The following GRM3 variants were observed in gnomAD, a reference collection of about 807,000 sequenced individuals.
GRM3 encodes glutamate metabotropic receptor 3.
A neutral mutation model predicts 70.5 loss-of-function variants in GRM3; 26 were observed. The ratio of observed to expected loss-of-function variants is 0.37; its 90% confidence interval spans 0.27 to 0.51. GRM3 has a LOEUF of 0.51. GRM3 is among the 20% of genes least tolerant of loss of function. GRM3 has a pLI of 0.93. For synonymous variants in GRM3, 443 were observed against 434.9 expected (o/e 1.02, Z -0.23); for missense variants, 859 against 1,123.8 (o/e 0.76, Z 3.37).
At chr7:86,648,695 T>A (rs1793537231) in intron 1 of GRM3, among the ~76,000 whole-genome samples, 1 of 151,816 alleles carries the variant, frequency 6.6e-6, no homozygotes, top group African/African-American at 2.4e-5. Flanking sequence ...GGAGGTACCA[T>A]ATGTGAAGGT....
chr7:86,803,562 T>G (rs1341369590), intron 3 of GRM3, among the ~76,000 whole-genome samples: 1 of 152,198 alleles, frequency 6.6e-6, no homozygotes, highest in Non-Finnish European at 1.5e-5. Flanking sequence ...AGAAATAAAG[T>G]AAGAGTAATT....
At chr7:86,788,981 T>C (rs1797339430) in intron 3 of GRM3, among the ~76,000 whole-genome samples, 1 of 152,240 alleles carries the variant, frequency 6.6e-6, no homozygotes. Context: ...TGTTCCTTCA[T>C]TCCAGTGACT....
Position 86,710,923 on chromosome 7 carries a change from G to T in GRM3, c.-140-54083G>T, listed in dbSNP as rs200261704. Among the ~76,000 whole-genome samples, 4 of 152,104 alleles carry T rather than the reference G, an allele frequency of 2.6e-5. No homozygotes were observed. The East Asian group carries it at 5.8e-4, about 22-fold the overall frequency. On this transcript the variant is annotated intron_variant, in intron 1 of 5. Coordinates refer to ENST00000361669, the MANE Select transcript of GRM3 (RefSeq NM_000840.3). ...CACAGAAAGGGTGCCTGAAGTCACAGTGTTAGAAAAGTGTTAAAGCCCCTG... is the reference window on the plus strand; with the variant it reads ...CACAGAAAGGGTGCCTGAAGTCACATTGTTAGAAAAGTGTTAAAGCCCCTG...
At chr7:86,763,762 A>T (rs1002394145) in intron 1 of GRM3, among the ~76,000 whole-genome samples, 3 of 152,110 alleles carry the variant, frequency 2.0e-5, no homozygotes, top group African/African-American at 4.8e-5. Flanking sequence ...CAGCAATCAC[A>T]CTTGCCCCAT....
intron 1 of GRM3, among the ~76,000 whole-genome samples, chr7:86,743,246 A>G (rs1796027723): frequency 6.6e-6 from 1 of 152,150 alleles, no homozygotes; most frequent in Admixed American, 6.6e-5. Flanking sequence ...TAAGATTCAG[A>G]TAATACTCTC....
At chr7:86,774,717 T>C (rs1022205320) in intron 2 of GRM3, among the ~76,000 whole-genome samples, 6 of 152,138 alleles carry the variant, frequency 3.9e-5, no homozygotes, top group African/African-American at 1.4e-4. Flanking sequence ...GTAGTTTTTT[T>C]CCCAGGCACA....
intron 3 of GRM3, among the ~76,000 whole-genome samples, chr7:86,791,634 T>C (rs1339534661): frequency 6.6e-6 from 1 of 152,216 alleles, no homozygotes. Context: ...ACGAGGACTC[T>C]GGGAAATTGA....
chr7:86,820,359 G>C (rs1023077729), intron 3 of GRM3, among the ~76,000 whole-genome samples: 5 of 152,020 alleles, frequency 3.3e-5, no homozygotes, highest in African/African-American at 1.2e-4. Flanking sequence ...ACAGTGCTTG[G>C]GTAGAGAGGT....
At chr7:86,810,148 A>G (rs1180257516) in intron 3 of GRM3, among the ~76,000 whole-genome samples, 1 of 152,042 alleles carries the variant, frequency 6.6e-6, no homozygotes, top group African/African-American at 2.4e-5. Context: ...ATGACCTTAA[A>G]TCGTCTTTAT....
intron 2 of GRM3, among the ~76,000 whole-genome samples, chr7:86,780,151 C>T (rs753902787): frequency 6.6e-6 from 1 of 152,084 alleles, no homozygotes; most frequent in African/African-American, 2.4e-5. Flanking sequence ...GGTTCCAAGT[C>T]TTTGCTATTG....
Position 86,709,651 on chromosome 7 carries a change from G to A in GRM3, c.-140-55355G>A, listed in dbSNP as rs201287284. Among the ~76,000 whole-genome samples the A allele has an allele frequency of 4.6e-5, 7 of 152,012 alleles. No homozygotes were observed. The East Asian group carries it at 1.4e-3, about 29-fold the overall frequency. ...GATTCTCTGCTATCAGCTCACACCT[G>A]TCAGTGAGTCCAGTTTTCTTCTTTC... On this transcript the variant is annotated intron_variant, in intron 1 of 5. Coordinates refer to ENST00000361669, the MANE Select transcript of GRM3 (RefSeq NM_000840.3).
At chr7:86,697,576 G>C (rs1371455879) in intron 1 of GRM3, among the ~76,000 whole-genome samples, 1 of 152,008 alleles carries the variant, frequency 6.6e-6, no homozygotes, top group Non-Finnish European at 1.5e-5. Flanking sequence ...TCCTAAAAGT[G>C]TAAGTTTAGA....
chr7:86,682,599 T>C (rs1010610694), intron 1 of GRM3, among the ~76,000 whole-genome samples: 1 of 152,176 alleles, frequency 6.6e-6, no homozygotes, highest in African/African-American at 2.4e-5. Flanking sequence ...AAAAGGTGTA[T>C]TGCCATGAAG....
At chr7:86,648,882 T>G (rs1459124429) in intron 1 of GRM3, among the ~76,000 whole-genome samples, 2 of 152,112 alleles carry the variant, frequency 1.3e-5, no homozygotes, top group African/African-American at 4.8e-5. Context: ...GGCATTGAAA[T>G]ACAAGTTCTG....
rs531903286 is a variant in GRM3, at chr7:86,774,451, C to A, written c.468+8838C>A. 2.6e-5 allele frequency among the ~76,000 whole-genome samples: 4 copies of A among 152,186 alleles called. No individual in the cohort carries two copies. The East Asian group carries it at 7.7e-4, about 29-fold the overall frequency. On this transcript the variant is annotated intron_variant, in intron 2 of 5. Transcript: ENST00000361669. The stretch of plus-strand genomic sequence containing the variant: ...AAAAGTGTAGTGTGACTATTTTTGA[C>A]AACACCACCTGGTATATTGTGGAAA...
chr7:86,673,908 C>T (rs1794238138), intron 1 of GRM3, among the ~76,000 whole-genome samples: 1 of 152,118 alleles, frequency 6.6e-6, no homozygotes, highest in Admixed American at 6.6e-5. Flanking sequence ...TATTTTGCCT[C>T]CTACCCACCT....
chr7:86,726,771 A>C (rs1795602977), intron 1 of GRM3, among the ~76,000 whole-genome samples: 1 of 152,228 alleles, frequency 6.6e-6, no homozygotes, highest in Non-Finnish European at 1.5e-5. Context: ...CTGTTCAGCT[A>C]ATCTGAGAAT....
At chr7:86,852,487 A>C (rs1798772708) in intron 5 of GRM3, among the ~76,000 whole-genome samples, 1 of 152,200 alleles carries the variant, frequency 6.6e-6, no homozygotes, top group African/African-American at 2.4e-5. Flanking sequence ...CTGCAACCAC[A>C]GCAGACCTGT....
intron 1 of GRM3, among the ~76,000 whole-genome samples, chr7:86,675,963 G>A (rs1794295426): frequency 6.6e-6 from 1 of 151,930 alleles, no homozygotes; most frequent in East Asian, 1.9e-4. Flanking sequence ...AAAGATGTGA[G>A]AGATAAGTGG....
Sources: allele counts gnomAD v4.1 joint callset (sites outside exome capture counted in the v4.1 genomes callset), GRCh38; gene constraint gnomAD v4.1.1; transcripts MANE v1.5; gene names NCBI Gene and HGNC (gene_info 2026-07-23, HGNC 2026-07-21).